Variants in KLHL1 observed in about 807,000 individuals in gnomAD.
KLHL1 encodes kelch-like protein 1.
KLHL1 carries 47 observed loss-of-function variants against 77.7 expected under a neutral mutation model. That is an observed-to-expected ratio of 0.60 (90% CI 0.48 to 0.77). The LOEUF (loss-of-function observed/expected upper bound fraction) is 0.77, where lower values mean the gene tolerates loss of function less well. Ranked by LOEUF, KLHL1 falls within the 30% of genes least tolerant of loss-of-function variation. KLHL1 has a pLI of 0.00. For missense variants in KLHL1, 925 were observed against 910.8 expected (o/e 1.02, Z -0.20); for synonymous variants, 360 against 325.2 (o/e 1.11, Z -1.15).
intron 8 of KLHL1, among the ~76,000 whole-genome samples, chr13:69,721,975 A>G (rs1427789260): frequency 6.6e-6 from 1 of 152,048 alleles, no homozygotes; most frequent in Non-Finnish European, 1.5e-5. Context: ...TGAAATCTGA[A>G]CCTCACTTAC....
At position 69,955,925 on chromosome 13, in the gene KLHL1, A is replaced by C. The variant is rs529601714; in HGVS notation, c.817+5383T>G. Among the ~76,000 whole-genome samples the C allele has an allele frequency of 1.8e-4, 21 of 114,780 alleles. No individual in the cohort carries two copies. The East Asian group carries it at 4.4e-3, about 24-fold the overall frequency. 75.3% of individuals were successfully genotyped at this position (114,780 alleles called of 152,430 possible). On this transcript the variant is annotated intron_variant, in intron 3 of 10. Coordinates refer to ENST00000377844, the MANE Select transcript of KLHL1 (RefSeq NM_020866.3). ...TTATATATATTTGATATATATATTT[A>C]TATATATTTGATATATATTTATATA...
chr13:69,790,509 T>TATC (rs1156972088), intron 7 of KLHL1, among the ~76,000 whole-genome samples: 1 of 152,146 alleles, frequency 6.6e-6, no homozygotes, highest in African/African-American at 2.4e-5. Context: ...TCTAGACCAG[T>TATC]ATCTCTTGTG....
intron 4 of KLHL1, among the ~76,000 whole-genome samples, chr13:69,904,990 C>T (rs904613876): frequency 1.3e-5 from 2 of 152,084 alleles, no homozygotes; most frequent in African/African-American, 2.4e-5. Context: ...TATATCATGG[C>T]TACCCTGAAA....
intron 5 of KLHL1, among the ~76,000 whole-genome samples, chr13:69,852,813 T>C (rs1566326439): frequency 6.6e-6 from 1 of 151,940 alleles, no homozygotes; most frequent in Non-Finnish European, 1.5e-5. Flanking sequence ...GTTTCTAAAG[T>C]TTAGGTATGA....
chr13:69,909,256 T>C (rs1882152590), intron 4 of KLHL1, among the ~76,000 whole-genome samples: 1 of 151,854 alleles, frequency 6.6e-6, no homozygotes, highest in Non-Finnish European at 1.5e-5. Context: ...CTCTACTTTA[T>C]GGCAAAGCTT....
chr13:69,910,005 A>G (rs1300516590), intron 4 of KLHL1, among the ~76,000 whole-genome samples: 3 of 152,080 alleles, frequency 2.0e-5, no homozygotes, highest in Admixed American at 6.6e-5. Flanking sequence ...GTTTTTCAGT[A>G]GAAAAAAATA....
intron 4 of KLHL1, among the ~76,000 whole-genome samples, chr13:69,909,566 A>G (rs1011045919): frequency 6.6e-6 from 1 of 152,078 alleles, no homozygotes; most frequent in South Asian, 2.1e-4. Context: ...AAGTCCAGAT[A>G]TTTTCTCATT....
chr13:69,731,225 G>T (rs1873531318), intron 8 of KLHL1, among the ~76,000 whole-genome samples: 1 of 151,996 alleles, frequency 6.6e-6, no homozygotes, highest in South Asian at 2.1e-4. Flanking sequence ...TCATTAAAAG[G>T]CACAACGGAA....
chr13:70,068,258 G>C (rs376386321), intron 1 of KLHL1, among the ~76,000 whole-genome samples: 2 of 151,842 alleles, frequency 1.3e-5, no homozygotes, highest in African/African-American at 4.8e-5. Context: ...GGAGAATGGC[G>C]TGAACCCGGG....
intron 6 of KLHL1, among the ~76,000 whole-genome samples, chr13:69,837,013 ACT>A (rs1879020119): frequency 6.6e-6 from 1 of 151,702 alleles, no homozygotes; most frequent in African/African-American, 2.4e-5. Context: ...TGACTATACG[ACT>A]CTTTATATTT....
chr13:69,756,336 A>G (rs1027065868), intron 7 of KLHL1, among the ~76,000 whole-genome samples: 4 of 152,174 alleles, frequency 2.6e-5, no homozygotes, highest in East Asian at 1.9e-4. Context: ...GAAGACTTCT[A>G]TATATTTTAA....
chr13:69,814,927 C>G (rs896480023), intron 6 of KLHL1, among the ~76,000 whole-genome samples: 2 of 152,200 alleles, frequency 1.3e-5, no homozygotes, highest in South Asian at 4.1e-4. Context: ...AGGAGAATTG[C>G]TTGAACCCAG....
intron 4 of KLHL1, among the ~76,000 whole-genome samples, chr13:69,884,506 A>T (rs1881121588): frequency 6.6e-6 from 1 of 151,662 alleles, no homozygotes; most frequent in Non-Finnish European, 1.5e-5. Flanking sequence ...CTGTTTTTCC[A>T]GTTACTAAAA....
chr13:69,972,841 A>C (rs1884429539), intron 2 of KLHL1, among the ~76,000 whole-genome samples: 1 of 151,942 alleles, frequency 6.6e-6, no homozygotes, highest in Middle Eastern at 3.2e-3. Context: ...CTTACAATTG[A>C]AAATTCAAAT....
At chr13:69,729,528 G>A (rs112638048) in intron 8 of KLHL1, among the ~76,000 whole-genome samples, 7 of 152,166 alleles carry the variant, frequency 4.6e-5, no homozygotes, top group East Asian at 1.9e-4. Context: ...AAAAAATCAC[G>A]TCAGCAGAGG....
intron 8 of KLHL1, among the ~76,000 whole-genome samples, chr13:69,731,835 A>C (rs1021604892): frequency 1.3e-5 from 2 of 152,188 alleles, no homozygotes; most frequent in Admixed American, 6.5e-5. Flanking sequence ...AAAAAAATTA[A>C]GAGACTTAAA....
intron 4 of KLHL1, among the ~76,000 whole-genome samples, chr13:69,897,803 G>C (rs919694889): frequency 3.9e-5 from 6 of 152,162 alleles, no homozygotes; most frequent in African/African-American, 1.4e-4. Context: ...AAGCCACCCT[G>C]TTGTCCTTTG....
At chr13:70,049,764 G>T (rs1294051801) in intron 1 of KLHL1, among the ~76,000 whole-genome samples, 1 of 151,812 alleles carries the variant, frequency 6.6e-6, no homozygotes, top group African/African-American at 2.4e-5. Context: ...TAAACAATGC[G>T]GTGTTTCGAG....
chr13:70,015,644 T>C (rs1885639044), intron 1 of KLHL1, among the ~76,000 whole-genome samples: 1 of 151,264 alleles, frequency 6.6e-6, no homozygotes, highest in Non-Finnish European at 1.5e-5. Context: ...AAAAAAGGCT[T>C]TATGCTGGAT....
Sources: gnomAD v4.1 joint callset for allele counts (sites outside exome capture counted in the v4.1 genomes callset) on GRCh38, gnomAD v4.1.1 for gene constraint, MANE v1.5 for transcripts, NCBI Gene and HGNC (gene_info 2026-07-23, HGNC 2026-07-21) for gene names.